PCDHAC1: variants seen among roughly 807,000 people sequenced by gnomAD.
PCDHAC1 encodes protocadherin alpha subfamily C, 1.
PCDHAC1 carries 42 observed loss-of-function variants against 60.0 expected under a neutral mutation model. The ratio of observed to expected loss-of-function variants is 0.70; its 90% CI spans 0.55 to 0.90. The LOEUF (loss-of-function observed/expected upper bound fraction) is 0.90. Among genes scored for constraint, PCDHAC1 ranks in the 40% least tolerant of loss-of-function variants. The pLI is 0.00. For synonymous variants in PCDHAC1, 468 were observed against 499.3 expected, an observed-to-expected ratio of 0.94 and a Z score of 0.84; for missense variants, 1,160 against 1,222.3, an observed-to-expected ratio of 0.95 and a Z score of 0.76.
Position 140,928,109 on chromosome 5 carries a change from A to C in PCDHAC1, c.1217A>C (p.Glu406Ala), listed in dbSNP as rs1472439079. The C allele has an allele frequency of 6.2e-7, 1 of 1,613,986 alleles. No homozygotes were observed. Among genetic ancestry groups the C allele is most frequent in the African/African-American group, 1.3e-5 (1 of 74,888 alleles). ...SLLIDGPLDR[E>A]QISEYQVLIT... ...CTGATTGATGGGCCCCTGGACCGGG[A>C]GCAGATCAGTGAATACCAAGTCCTG... The change falls in exon 1 of 4, where the codon GAG (glutamate) becomes GCG (alanine). Residue 406 changes from glutamate (E) to alanine (A), a missense_variant. Glu to Ala is a moderately radical substitution (Grantham distance 107). Coordinates refer to ENST00000253807, the MANE Select transcript of PCDHAC1 (RefSeq NM_018898.5).
At position 141,010,421 on chromosome 5, in the gene PCDHAC1, A is replaced by T. The variant is rs1486731012; in HGVS notation, c.*484A>T. The T allele has an allele frequency of 8.7e-7, 1 of 1,148,142 alleles. No homozygotes were observed. Among genetic ancestry groups the T allele is most frequent in the Admixed American group, 2.9e-5 (1 of 34,726 alleles). The allele number at this position is 1,148,142 out of a possible 1,614,324, so 71.1% of individuals were successfully genotyped here. A position where few individuals can be genotyped will look rare whatever the true frequency, so the allele number is the denominator to read the frequency against. ...CAGCTTAGACTAATTGGTACAAGGAAGGCAAGAAAACAAAGACAAATAAAC... is the reference window on the plus strand; with the variant it reads ...CAGCTTAGACTAATTGGTACAAGGATGGCAAGAAAACAAAGACAAATAAAC... On this transcript the variant is annotated 3_prime_UTR_variant, in exon 4 of 4. Coordinates refer to ENST00000253807, the MANE Select transcript of PCDHAC1 (RefSeq NM_018898.5).
At chr5:140,994,355 G>A (rs2097616615) in intron 3 of PCDHAC1, among the ~76,000 whole-genome samples, 2 of 152,240 alleles carry the variant, frequency 1.3e-5, no homozygotes, top group South Asian at 4.1e-4. Flanking sequence ...TGGGACCTCA[G>A]AAGATGGAAT....
chr5:140,988,673 A>G (rs2153876025), intron 3 of PCDHAC1, among the ~76,000 whole-genome samples: 1 of 152,344 alleles, frequency 6.6e-6, no homozygotes, highest in South Asian at 2.1e-4. Context: ...AGACTCTAAG[A>G]TAATTCTTTC....
chr5:140,997,958 G>A (rs890356748), intron 3 of PCDHAC1, among the ~76,000 whole-genome samples: 3 of 152,126 alleles, frequency 2.0e-5, no homozygotes, highest in Non-Finnish European at 2.9e-5. Context: ...TGGCATTCAC[G>A]TACCTGTGGT....
At chr5:140,967,109 C>T in intron 1 of PCDHAC1, 1 of 1,612,966 alleles carries the variant, frequency 6.2e-7, no homozygotes, top group Non-Finnish European at 8.5e-7. Flanking sequence ...TGAGCAGCGG[C>T]CTCGCTGCCT....
intron 1 of PCDHAC1, chr5:140,967,992 C>T: frequency 1.2e-6 from 2 of 1,614,250 alleles, no homozygotes; most frequent in Non-Finnish European, 1.7e-6. Flanking sequence ...GCCACACTGC[C>T]TTTCCGACTG....
intron 1 of PCDHAC1, chr5:140,966,193 G>C (rs1554228123): frequency 4.8e-6 from 1 of 207,392 alleles, no homozygotes; most frequent in Non-Finnish European, 9.5e-6. Flanking sequence ...CAGACTTCTA[G>C]GGGCTTGACT....
chr5:140,966,290 G>A (rs2095989541), intron 1 of PCDHAC1: 3 of 375,186 alleles, frequency 8.0e-6, no homozygotes, highest in Non-Finnish European at 1.4e-5. Flanking sequence ...GGGGTAGGGA[G>A]AAAGGGAGTG....
In PCDHAC1 at chr5:141,011,794, G is replaced by A. The variant is rs782200485; in HGVS notation, c.*1857G>A. 2 of 153,664 alleles carry A rather than the reference G, an allele frequency of 1.3e-5. No individual in the cohort carries two copies. The highest frequency in any genetic ancestry group is 2.9e-5 in the Non-Finnish European group (2 of 68,028). The allele number at this position is 153,664 out of a possible 1,614,324, so 9.5% of individuals were successfully genotyped here. ...ATGCTTTGAAATTCTAATGGTATCT[G>A]AAATATCAGCTCATAGAAAGTAACA... On this transcript the variant is annotated 3_prime_UTR_variant, in exon 4 of 4. Coordinates refer to ENST00000253807, the MANE Select transcript of PCDHAC1 (RefSeq NM_018898.5).
At chr5:140,933,221 G>T (rs952837794) in intron 1 of PCDHAC1, among the ~76,000 whole-genome samples, 1 of 151,758 alleles carries the variant, frequency 6.6e-6, no homozygotes, top group Non-Finnish European at 1.5e-5. Flanking sequence ...CTGTTATATT[G>T]CATTTATGAA....
At position 140,942,403 on chromosome 5, in the gene PCDHAC1, T is replaced by A. The variant is rs184466711; in HGVS notation, c.2433+13078T>A. Among the ~76,000 whole-genome samples the A allele has an allele frequency of 2.8e-3, 421 of 151,284 alleles. 2 individuals are homozygous for A. The highest frequency in any genetic ancestry group is 0.014 in the Middle Eastern group (4 of 294). The stretch of plus-strand genomic sequence containing the variant: ...TTCCAGCCTGGGCGACAGATGAGAC[T>A]CTGTTTAAAAAAAAAAAAGATATCT... On this transcript the variant is annotated intron_variant, in intron 1 of 3. Transcript: ENST00000253807.
intron 1 of PCDHAC1, chr5:140,967,958 C>T (rs202159883): frequency 5.6e-6 from 9 of 1,614,182 alleles, no homozygotes; most frequent in East Asian, 2.2e-5. Flanking sequence ...AGGCCCCAAC[C>T]GGAAAGTGAG....
chr5:141,008,800 A>G (rs949324548), intron 3 of PCDHAC1, among the ~76,000 whole-genome samples: 8 of 152,222 alleles, frequency 5.3e-5, no homozygotes, highest in Non-Finnish European at 1.2e-4. Flanking sequence ...TTATCTAAAC[A>G]AATAGGCTCA....
chr5:140,955,976 G>A (rs2095244273), intron 1 of PCDHAC1, among the ~76,000 whole-genome samples: 1 of 152,180 alleles, frequency 6.6e-6, no homozygotes, highest in South Asian at 2.1e-4. Flanking sequence ...AGGAATGCTA[G>A]CAATTTTTGC....
At chr5:140,968,027 C>G in intron 1 of PCDHAC1, 2 of 1,614,200 alleles carry the variant, frequency 1.2e-6, no homozygotes, top group Middle Eastern at 1.6e-4. Flanking sequence ...CTCCTATACA[C>G]TGGTGGTGAG....
At position 140,982,478 on chromosome 5, in the gene PCDHAC1, T is replaced by C; in HGVS notation, c.2496T>C (p.Ser832=). ...CTGGGTCTGTGTGTTTATTCAGCTCTGTGCACCTAGAGGAGGCTGGCATTC... is the reference window on the plus strand; with the variant it reads ...CTGGGTCTGTGTGTTTATTCAGCTCCGTGCACCTAGAGGAGGCTGGCATTC... ...SASLRAGMHS[S]VHLEEAGILR... Residue 832 remains serine (S), a synonymous_variant, in exon 3 of 4, where the codon TCT becomes TCC. Coordinates refer to ENST00000253807, the MANE Select transcript of PCDHAC1 (RefSeq NM_018898.5). 1 of 1,614,192 alleles carries C rather than the reference T, an allele frequency of 6.2e-7. No individual in the cohort carries two copies. The highest frequency in any genetic ancestry group is 2.2e-5 in the East Asian group (1 of 44,884).
At position 140,926,624 on chromosome 5, in the gene PCDHAC1, G is replaced by A. The variant is rs2083414676; in HGVS notation, c.-269G>A. 5.0e-6 allele frequency: 2 copies of A among 400,148 alleles called. No homozygotes were observed. The highest frequency in any genetic ancestry group is 8.6e-5 in the Admixed American group (2 of 23,338). The allele number at this position is 400,148 out of a possible 1,614,324, so 24.8% of individuals were successfully genotyped here. A position where few individuals can be genotyped will look rare whatever the true frequency, so the allele number is the denominator to read the frequency against. Reference sequence around the variant, plus strand: ...CCTCGTCTCTGCACCCCTAGGCGGCGCTGCGCTCCTCAACACCCGGCCGGC... The same window carrying A: ...CCTCGTCTCTGCACCCCTAGGCGGCACTGCGCTCCTCAACACCCGGCCGGC... On this transcript the variant is annotated 5_prime_UTR_variant, in exon 1 of 4. Coordinates refer to ENST00000253807, the MANE Select transcript of PCDHAC1 (RefSeq NM_018898.5).
intron 1 of PCDHAC1, chr5:140,969,293 C>T: frequency 6.2e-7 from 1 of 1,614,188 alleles, no homozygotes; most frequent in Admixed American, 1.7e-5. Flanking sequence ...TGCTGGGAAC[C>T]TGATTATTCT....
At chr5:140,945,377 C>T (rs1183566005) in intron 1 of PCDHAC1, among the ~76,000 whole-genome samples, 3 of 151,814 alleles carry the variant, frequency 2.0e-5, no homozygotes, top group African/African-American at 7.3e-5. Context: ...CCATATTACC[C>T]AAAGCAATAT....
Sources: gnomAD v4.1 joint callset for allele counts (sites outside exome capture counted in the v4.1 genomes callset) on GRCh38, gnomAD v4.1.1 for gene constraint, MANE v1.5 for transcripts, NCBI Gene and HGNC (gene_info 2026-07-23, HGNC 2026-07-21) for gene names.